The following NUP210L variants were observed in gnomAD, a reference collection of about 807,000 sequenced individuals.
NUP210L encodes the protein nucleoporin 210 like, also known as nuclear pore membrane glycoprotein 210-like.
Under a neutral mutation model 208.5 loss-of-function variants are expected in NUP210L, and 74 were observed. The observed-to-expected ratio is 0.35, with a 90% CI of 0.29 to 0.43. The LOEUF (loss-of-function observed/expected upper bound fraction) is 0.43, where lower values mean the gene tolerates loss of function less well. NUP210L is among the 20% of genes least tolerant of loss of function. The pLI is 1.00. For missense variants in NUP210L, 1,843 were observed against 2,289.4 expected, an observed-to-expected ratio of 0.81 and a Z score of 3.98; for synonymous variants, 780 against 816.9, an observed-to-expected ratio of 0.95 and a Z score of 0.77.
intron 27 of NUP210L, among the ~76,000 whole-genome samples, chr1:154,044,263 C>T (rs748549915): frequency 1.3e-5 from 2 of 151,872 alleles, no homozygotes; most frequent in South Asian, 2.1e-4. Flanking sequence ...AAAAATTAGC[C>T]GGGCCTGGTG....
chr1:154,110,769 T>C (rs936024012), intron 12 of NUP210L, among the ~76,000 whole-genome samples: 1 of 151,142 alleles, frequency 6.6e-6, no homozygotes, highest in Non-Finnish European at 1.5e-5. Context: ...TCCCAGCTAC[T>C]TGGGAGACTG....
At chr1:154,134,863 G>A (rs534002276) in intron 7 of NUP210L, among the ~76,000 whole-genome samples, 3 of 150,480 alleles carry the variant, frequency 2.0e-5, no homozygotes, top group Non-Finnish European at 3.0e-5. Context: ...TCAGCCTCCC[G>A]AGTAGCTGGG....
At chr1:153,992,721 T>C (rs1649530889) in exon 40 of NUP210L, 2 of 711,212 alleles carry the variant, frequency 2.8e-6, no homozygotes, top group Non-Finnish European at 2.4e-6. Context: ...GCTTTATTTA[T>C]AGTTCTCAGA....
chr1:154,046,021 T>C, intron 27 of NUP210L, 48 bp downstream of exon 27: 1 of 1,515,438 alleles, frequency 6.6e-7, no homozygotes, highest in Non-Finnish European at 8.9e-7. Context: ...TAAAATAAAT[T>C]TAATATCAAG....
intron 5 of NUP210L, among the ~76,000 whole-genome samples, chr1:154,138,527 G>T (rs1658665435): frequency 6.6e-6 from 1 of 152,070 alleles, no homozygotes; most frequent in Non-Finnish European, 1.5e-5. Context: ...ATGAGAAAAG[G>T]TAAGACTCAA....
At chr1:154,047,282 A>C in intron 25 of NUP210L, among the ~76,000 whole-genome samples, 1 of 152,026 alleles carries the variant, frequency 6.6e-6, no homozygotes, top group East Asian at 1.9e-4. Flanking sequence ...GAAAGGATAA[A>C]TGCTTGAGGT....
At chr1:154,130,504 C>G (rs1441231430) in intron 7 of NUP210L, among the ~76,000 whole-genome samples, 1 of 151,826 alleles carries the variant, frequency 6.6e-6, no homozygotes, top group Non-Finnish European at 1.5e-5. Flanking sequence ...AACTCCTGAC[C>G]TCAGGTGATC....
intron 29 of NUP210L, among the ~76,000 whole-genome samples, chr1:154,027,080 C>CAAAAAAAA (rs59626984): frequency 1.6e-3 from 159 of 101,682 alleles, no homozygotes; most frequent in African/African-American, 3.5e-3. Flanking sequence ...GAGACTGTCT[C>CAAAAAAAA]AAAAAAAAAA....
chr1:154,100,652 G>T (rs1173809458), intron 13 of NUP210L, among the ~76,000 whole-genome samples: 1 of 149,710 alleles, frequency 6.7e-6, no homozygotes, highest in Admixed American at 6.7e-5. Flanking sequence ...CTGAGTAACT[G>T]GGATTACAGG....
At chr1:154,101,035 G>A (rs1013862894) in intron 13 of NUP210L, among the ~76,000 whole-genome samples, 2 of 151,484 alleles carry the variant, frequency 1.3e-5, no homozygotes, top group Non-Finnish European at 2.9e-5. Flanking sequence ...AGCCAGGTGT[G>A]GCGGTGCATA....
chr1:154,025,717 C>CT lies in NUP210L; in HGVS notation c.3948-2dup. On this transcript the variant is annotated splice_acceptor_variant, in intron 29 of 39. Transcript: ENST00000368559. LOFTEE classifies it high-confidence loss of function. ...AGAACTCACGAAGGCAGCTCCTTCC[C>CT]TAGGGAACAAGGAAAGGAAGTGGCA... The CT allele has an allele frequency of 6.2e-7, 1 of 1,611,166 alleles. No individual in the cohort carries two copies. Among genetic ancestry groups the CT allele is most frequent in the Non-Finnish European group, 8.5e-7 (1 of 1,178,332 alleles).
rs1658761483 is a variant in NUP210L at position 154,140,058 on chromosome 1, A to G, written c.567-106T>C. On this transcript the variant is annotated intron_variant, in intron 4 of 39. Coordinates refer to ENST00000368559, the Ensembl canonical transcript of NUP210L. Reference sequence around the variant, plus strand: ...AGTTTCTTCAATGTCTATAGAATGTAAAACACTTTTGACTGGGCATGGTAG... The same window carrying G: ...AGTTTCTTCAATGTCTATAGAATGTGAAACACTTTTGACTGGGCATGGTAG... 3.9e-5 allele frequency: 36 copies of G among 915,934 alleles called. No homozygotes were observed. The South Asian group carries it at 5.8e-4, about 15-fold the overall frequency. 56.7% of individuals were successfully genotyped at this position (915,934 alleles called of 1,614,324 possible). A position where few individuals can be genotyped will look rare whatever the true frequency, so the allele number is the denominator to read the frequency against.
intron 13 of NUP210L, among the ~76,000 whole-genome samples, chr1:154,100,374 C>G (rs761656028): frequency 6.6e-6 from 1 of 150,914 alleles, no homozygotes; most frequent in Admixed American, 6.6e-5. Flanking sequence ...TCACTTGAGC[C>G]CAGGAGGTCA....
At chr1:154,009,921 T>A in intron 35 of NUP210L, 51 bp downstream of exon 35, 1 of 1,468,254 alleles carries the variant, frequency 6.8e-7, no homozygotes, top group Admixed American at 2.0e-5. Flanking sequence ...GGGACAATTA[T>A]ACAAATAGAT....
At chr1:154,076,875 A>G (rs1398334103) in intron 16 of NUP210L, among the ~76,000 whole-genome samples, 1 of 152,150 alleles carries the variant, frequency 6.6e-6, no homozygotes, top group Non-Finnish European at 1.5e-5. Flanking sequence ...CTCAAACAAC[A>G]TCAATCCATC....
chr1:154,046,163 G>A lies in NUP210L; in HGVS notation c.3602C>T (p.Thr1201Ile), dbSNP rs1260324374. The change falls in exon 27 of 40, where the codon ACC becomes ATC. Residue 1201 changes from threonine to isoleucine, a missense_variant. This residue lies in a region of NUP210L where 781 missense variants were observed against 973.8 expected (regional missense o/e 0.80). Transcript: ENST00000368559. ...ATTAGCATTGCTGAAGGAGAAAGGG[G>A]TCTGGGTACTGGTTACTCCCATGAC... 2 of 1,614,106 alleles carry A rather than the reference G, an allele frequency of 1.2e-6. No individual in the cohort carries two copies. The highest frequency in any genetic ancestry group is 2.2e-5 in the East Asian group (1 of 44,872).
At chr1:154,122,138 T>A (rs1657645950) in intron 10 of NUP210L, among the ~76,000 whole-genome samples, 1 of 152,176 alleles carries the variant, frequency 6.6e-6, no homozygotes, top group Non-Finnish European at 1.5e-5. Context: ...AAAAGACTAG[T>A]AAAACAATAT....
intron 23 of NUP210L, among the ~76,000 whole-genome samples, chr1:154,056,090 G>A (rs1311834425): frequency 6.6e-6 from 1 of 152,186 alleles, no homozygotes; most frequent in East Asian, 1.9e-4. Flanking sequence ...TTGCCTCTAA[G>A]TAGTGAAATT....
intron 4 of NUP210L, among the ~76,000 whole-genome samples, chr1:154,140,645 T>A (rs1332752817): frequency 8.6e-4 from 97 of 112,726 alleles, no homozygotes; most frequent in Middle Eastern, 6.3e-3. Context: ...CCAGCCTGAG[T>A]GACAGAGCAA....
Sources: allele counts gnomAD v4.1 joint callset (sites outside exome capture counted in the v4.1 genomes callset), GRCh38; gene constraint gnomAD v4.1.1; regional missense constraint gnomAD v4.1.1; transcripts MANE v1.5; gene names NCBI Gene and HGNC (gene_info 2026-07-23, HGNC 2026-07-21).